Variants in ARHGAP21 observed in about 807,000 individuals in gnomAD.
ARHGAP21 encodes rho GTPase-activating protein 21.
A neutral mutation model predicts 164.6 loss-of-function variants in ARHGAP21; 38 were observed. The ratio of observed to expected loss-of-function variants is 0.23; its 90% CI spans 0.18 to 0.30. ARHGAP21 has a LOEUF of 0.30. ARHGAP21 is among the 10% of genes least tolerant of loss of function. The probability of loss-of-function intolerance (pLI) is 1.00; values close to 1 mark genes in which losing one functional copy is unlikely to be tolerated. For synonymous variants in ARHGAP21, 766 were observed against 857.9 expected (o/e 0.89, Z 1.87); for missense variants, 1,822 against 2,370.7 (o/e 0.77, Z 4.81).
At chr10:24,595,864 A>C in intron 18 of ARHGAP21, 24 bp downstream of exon 18, 2 of 1,611,102 alleles carry the variant, frequency 1.2e-6, no homozygotes, top group South Asian at 2.2e-5. Flanking sequence ...AAAAAGGATC[A>C]GTTATTCAAA....
chr10:24,636,066 A>C (rs1836354603), intron 4 of ARHGAP21, among the ~76,000 whole-genome samples: 1 of 152,208 alleles, frequency 6.6e-6, no homozygotes, highest in Non-Finnish European at 1.5e-5. Context: ...TTTTCCATGG[A>C]TCATTGGCAT....
At chr10:24,717,163 A>T (rs2132305969) in intron 2 of ARHGAP21, among the ~76,000 whole-genome samples, 1 of 152,298 alleles carries the variant, frequency 6.6e-6, no homozygotes, top group Admixed American at 6.5e-5. Flanking sequence ...GAGGTGTAGA[A>T]AGGTTTAGCA....
At chr10:24,696,642 A>G (rs752270870) in intron 2 of ARHGAP21, among the ~76,000 whole-genome samples, 3 of 152,184 alleles carry the variant, frequency 2.0e-5, no homozygotes, top group Non-Finnish European at 2.9e-5. Flanking sequence ...TGGAGGCTCA[A>G]ATATACTACT....
chr10:24,657,187 A>G (rs372985736), intron 4 of ARHGAP21, among the ~76,000 whole-genome samples: 231 of 5,708 alleles, frequency 0.04, 6 homozygotes, highest in South Asian at 0.16. Context: ...CTGCCCGGCC[A>G]CCCCTACTGG....
chr10:24,632,935 C>G (rs2131346462), intron 6 of ARHGAP21, among the ~76,000 whole-genome samples: 1 of 152,232 alleles, frequency 6.6e-6, no homozygotes, highest in East Asian at 1.9e-4. Context: ...TCCTACTATT[C>G]TGTAAAATGC....
At chr10:24,634,866 T>C (rs1034111921) in intron 5 of ARHGAP21, 145 bp downstream of exon 5, 2 of 544,456 alleles carry the variant, frequency 3.7e-6, no homozygotes, top group African/African-American at 1.9e-5. Context: ...ACATAATTAG[T>C]TCTCAAAATT....
intron 4 of ARHGAP21, among the ~76,000 whole-genome samples, chr10:24,643,962 G>A (rs937036310): frequency 2.0e-5 from 3 of 151,816 alleles, no homozygotes; most frequent in Admixed American, 6.6e-5. Flanking sequence ...CTCCTGCCTC[G>A]GCCTCCCACC....
At chr10:24,647,887 G>A (rs991591559) in intron 4 of ARHGAP21, among the ~76,000 whole-genome samples, 1 of 152,128 alleles carries the variant, frequency 6.6e-6, no homozygotes, top group Non-Finnish European at 1.5e-5. Flanking sequence ...CCCCAGGCTG[G>A]AGTGCAGTGA....
chr10:24,647,317 G>A (rs746630890), intron 4 of ARHGAP21, among the ~76,000 whole-genome samples: 4 of 152,064 alleles, frequency 2.6e-5, no homozygotes, highest in Non-Finnish European at 2.9e-5. Flanking sequence ...TACTTTACCA[G>A]TTTATTTTAC....
At chr10:24,613,042 C>CT (rs879545869) in intron 9 of ARHGAP21, among the ~76,000 whole-genome samples, 71 of 147,448 alleles carry the variant, frequency 4.8e-4, no homozygotes, top group Non-Finnish European at 6.8e-4. Context: ...GGCAATGCCA[C>CT]TTTTTTTTTT....
At chr10:24,605,246 A>G (rs2076973617) in intron 11 of ARHGAP21, among the ~76,000 whole-genome samples, 1 of 152,186 alleles carries the variant, frequency 6.6e-6, no homozygotes, top group Non-Finnish European at 1.5e-5. Flanking sequence ...CACTACATTG[A>G]TTTCTGAGAG....
chr10:24,701,036 C>T (rs1262137917), intron 2 of ARHGAP21, among the ~76,000 whole-genome samples: 3 of 152,156 alleles, frequency 2.0e-5, no homozygotes, highest in Non-Finnish European at 4.4e-5. Flanking sequence ...AGCTTATCAA[C>T]GTAAAGCCTC....
chr10:24,636,234 G>A (rs955198010), intron 4 of ARHGAP21, among the ~76,000 whole-genome samples: 2 of 152,208 alleles, frequency 1.3e-5, no homozygotes, highest in Non-Finnish European at 2.9e-5. Context: ...GCAGATGAGA[G>A]GACATTTAAG....
intron 4 of ARHGAP21, among the ~76,000 whole-genome samples, chr10:24,650,687 C>T (rs1838072143): frequency 6.6e-6 from 1 of 152,008 alleles, no homozygotes. Context: ...CTAAATCTAC[C>T]TACAGTGAAC....
chr10:24,597,524 A>G lies in ARHGAP21; in HGVS notation c.3257T>C (p.Leu1086Pro). The G allele has an allele frequency of 6.2e-7, 1 of 1,614,154 alleles. No individual in the cohort carries two copies. The highest frequency in any genetic ancestry group is 8.5e-7 in the Non-Finnish European group (1 of 1,179,994). Residue 1086 changes from leucine (L) to proline (P), a missense_variant, in exon 16 of 26, where the codon CTT becomes CCT. Physicochemically the swap from Leu to Pro is moderately conservative, Grantham distance 98. Coordinates refer to ENST00000396432, the MANE Select transcript of ARHGAP21 (RefSeq NM_020824.4). ...AGTCTTTGGCTCTGATTTAGCACCA[A>G]GCAAAGTTTGCCTGATGCTGAGACT... ...RQSLSIRQTLLGAKSEPKTQS... is the reference protein window; with the variant it reads ...RQSLSIRQTLPGAKSEPKTQS...
At chr10:24,671,423 T>C (rs1175126581) in intron 2 of ARHGAP21, among the ~76,000 whole-genome samples, 2 of 152,184 alleles carry the variant, frequency 1.3e-5, no homozygotes, top group African/African-American at 4.8e-5. Flanking sequence ...CAGATGGTCC[T>C]GCTTTCTATT....
chr10:24,627,889 G>A (rs930410748), intron 7 of ARHGAP21, among the ~76,000 whole-genome samples: 4 of 152,174 alleles, frequency 2.6e-5, no homozygotes, highest in African/African-American at 9.7e-5. Context: ...TTCCATGCCA[G>A]CCATTCTGTG....
At chr10:24,681,422 TAA>T (rs1209369869) in intron 2 of ARHGAP21, among the ~76,000 whole-genome samples, 3 of 152,218 alleles carry the variant, frequency 2.0e-5, no homozygotes, top group African/African-American at 4.8e-5. Context: ...AAGGGAATTA[TAA>T]AAGAGTGCCT....
chr10:24,673,362 C>T (rs936449325), intron 2 of ARHGAP21, among the ~76,000 whole-genome samples: 1 of 152,202 alleles, frequency 6.6e-6, no homozygotes, highest in African/African-American at 2.4e-5. Flanking sequence ...TGGAGTCCTG[C>T]TCTAGACCCA....
Sources: gnomAD v4.1 joint callset for allele counts (sites outside exome capture counted in the v4.1 genomes callset) on GRCh38, gnomAD v4.1.1 for gene constraint, MANE v1.5 for transcripts, NCBI Gene and HGNC (gene_info 2026-07-23, HGNC 2026-07-21) for gene names.